The following RAB7A variants were observed in gnomAD, a reference collection of about 807,000 sequenced individuals.
RAB7A encodes the protein RAB7A, member RAS oncogene family.
RAB7A carries 2 observed loss-of-function variants against 24.5 expected under a neutral mutation model. The observed-to-expected ratio is 0.08, with a 90% CI of 0.03 to 0.26. The LOEUF (loss-of-function observed/expected upper bound fraction) is 0.26, where lower values mean the gene tolerates loss of function less well. RAB7A is among the 10% of genes least tolerant of loss of function. The pLI is 1.00. For synonymous variants in RAB7A, 100 were observed against 95.9 expected, an observed-to-expected ratio of 1.04 and a Z score of -0.25; for missense variants, 118 against 255.7, an observed-to-expected ratio of 0.46 and a Z score of 3.67.
At chr3:128,732,679 A>G (rs1397514078) in intron 1 of RAB7A, among the ~76,000 whole-genome samples, 1 of 151,996 alleles carries the variant, frequency 6.6e-6, no homozygotes, top group African/African-American at 2.4e-5. Context: ...GAAAAGAAAA[A>G]ATTAGGTGGG....
At chr3:128,745,879 C>T (rs1339731277) in intron 1 of RAB7A, among the ~76,000 whole-genome samples, 3 of 152,234 alleles carry the variant, frequency 2.0e-5, no homozygotes, top group Non-Finnish European at 4.4e-5. Context: ...CACATCCATC[C>T]TCTGCTGGTT....
chr3:128,784,457 A>T (rs1409710871), intron 1 of RAB7A, among the ~76,000 whole-genome samples: 1 of 152,034 alleles, frequency 6.6e-6, no homozygotes, highest in Non-Finnish European at 1.5e-5. Flanking sequence ...CAGCATCCTC[A>T]CTGTCCACCG....
chr3:128,802,787 G>A (rs1298939447), intron 3 of RAB7A, among the ~76,000 whole-genome samples: 2 of 149,752 alleles, frequency 1.3e-5, no homozygotes, highest in South Asian at 2.1e-4. Context: ...GATTACAGGC[G>A]TGAGCTACCA....
intron 1 of RAB7A, among the ~76,000 whole-genome samples, chr3:128,752,856 T>C (rs1357607957): frequency 6.6e-6 from 1 of 152,060 alleles, no homozygotes. Context: ...GTTCAAAATC[T>C]CTAACACCTT....
chr3:128,790,032 A>G (rs371560883), intron 1 of RAB7A, among the ~76,000 whole-genome samples: 2 of 152,142 alleles, frequency 1.3e-5, no homozygotes, highest in East Asian at 1.9e-4. Flanking sequence ...TGACCTCGTG[A>G]TCCACCTACC....
intron 1 of RAB7A, among the ~76,000 whole-genome samples, chr3:128,750,785 G>T (rs1357186275): frequency 2.6e-5 from 4 of 152,190 alleles, no homozygotes; most frequent in African/African-American, 9.7e-5. Flanking sequence ...ATGTCTCCAG[G>T]GCATGTCAGA....
At chr3:128,791,617 A>G (rs1933453915) in intron 1 of RAB7A, among the ~76,000 whole-genome samples, 1 of 152,136 alleles carries the variant, frequency 6.6e-6, no homozygotes, top group African/African-American at 2.4e-5. Context: ...CTTGTGGTAA[A>G]ATGTCCCCTG....
At chr3:128,793,152 T>A (rs1013201632) in intron 1 of RAB7A, among the ~76,000 whole-genome samples, 1 of 152,188 alleles carries the variant, frequency 6.6e-6, no homozygotes, top group Non-Finnish European at 1.5e-5. Context: ...GCCTCCTGAG[T>A]AGCTGGGACT....
At chr3:128,809,936 CTTTTTTTTTTTTTTTTTTTTTT>C (rs869119619) in intron 5 of RAB7A, among the ~76,000 whole-genome samples, 14 of 52,216 alleles carry the variant, frequency 2.7e-4, no homozygotes, top group Non-Finnish European at 3.7e-4. Context: ...TTGCCACAGT[CTTTTTTTTTTTTTTTTTTTTTT>C]TTTTTTTTGA....
chr3:128,772,893 T>C (rs1383060598), intron 1 of RAB7A, among the ~76,000 whole-genome samples: 3 of 152,256 alleles, frequency 2.0e-5, no homozygotes, highest in Non-Finnish European at 2.9e-5. Context: ...CACTCAGTGC[T>C]CAGTGTTGCC....
At chr3:128,781,727 A>G (rs1933226326) in intron 1 of RAB7A, among the ~76,000 whole-genome samples, 1 of 152,002 alleles carries the variant, frequency 6.6e-6, no homozygotes, top group Admixed American at 6.6e-5. Context: ...ATTGAAACCC[A>G]TGGTTGTGGC....
intron 1 of RAB7A, among the ~76,000 whole-genome samples, chr3:128,740,014 C>T (rs1029736978): frequency 1.3e-5 from 2 of 151,876 alleles, no homozygotes; most frequent in Admixed American, 6.6e-5. Context: ...TGCAGTGAGC[C>T]GAGATTGTGC....
At chr3:128,759,165 G>C (rs2070756665) in intron 1 of RAB7A, among the ~76,000 whole-genome samples, 4 of 152,234 alleles carry the variant, frequency 2.6e-5, no homozygotes, top group Admixed American at 2.6e-4. Context: ...CATTGAGATT[G>C]TTGAGTAGCT....
rs540873200 is a variant in RAB7A at position 128,727,956 on chromosome 3, C to CTTT, written c.-9+1607_-9+1609dup. Among the ~76,000 whole-genome samples the CTTT allele has an allele frequency of 5.5e-5, 8 of 145,466 alleles. No individual in the cohort carries two copies. The South Asian group carries it at 6.5e-4, about 12-fold the overall frequency. On this transcript the variant is annotated intron_variant, in intron 1 of 5. Transcript: ENST00000265062. ...ACAATCCTGTTGTATTCATATTTGTCTTTTTTTTTTTTAACTTTGCTACCT... is the reference window on the plus strand; with the variant it reads ...ACAATCCTGTTGTATTCATATTTGTCTTTTTTTTTTTTTTTAACTTTGCTACCT...
intron 1 of RAB7A, among the ~76,000 whole-genome samples, chr3:128,736,812 ATC>A: frequency 6.6e-6 from 1 of 152,144 alleles, no homozygotes; most frequent in African/African-American, 2.4e-5. Context: ...ATCAAGTGTG[ATC>A]CTACATGTGT....
At chr3:128,776,484 C>G (rs900826953) in intron 1 of RAB7A, among the ~76,000 whole-genome samples, 4 of 152,118 alleles carry the variant, frequency 2.6e-5, no homozygotes, top group African/African-American at 9.7e-5. Context: ...GGGGTTTCAC[C>G]ATGTTGCTTA....
At chr3:128,748,297 G>A (rs1375978537) in intron 1 of RAB7A, among the ~76,000 whole-genome samples, 1 of 152,290 alleles carries the variant, frequency 6.6e-6, no homozygotes, top group Non-Finnish European at 1.5e-5. Context: ...TTTTCAGGTC[G>A]AGTAAGGGAC....
At chr3:128,807,213 T>G (rs761116878) in intron 4 of RAB7A, among the ~76,000 whole-genome samples, 18 of 152,196 alleles carry the variant, frequency 1.2e-4, no homozygotes, top group Non-Finnish European at 2.4e-4. Flanking sequence ...CTGGGATCTC[T>G]GAGGTCCCAG....
chr3:128,733,089 T>G lies in RAB7A; in HGVS notation c.-9+6730T>G, dbSNP rs549319877. On this transcript the variant is annotated intron_variant, in intron 1 of 5. Transcript: ENST00000265062. ...ATTGTTGCCTGTATTTCCAAGTAAT[T>G]TATCATTTCTGTATTTTAGTAAACA... is the stretch of plus-strand genomic sequence containing the variant. Among the ~76,000 whole-genome samples the G allele has an allele frequency of 3.9e-5, 6 of 152,348 alleles. No individual in the cohort carries two copies. In the East Asian group the frequency reaches 1.2e-3, roughly 29 times the overall value.
Sources: allele counts gnomAD v4.1 joint callset (sites outside exome capture counted in the v4.1 genomes callset), GRCh38; gene constraint gnomAD v4.1.1; transcripts MANE v1.5; gene names NCBI Gene and HGNC (gene_info 2026-07-23, HGNC 2026-07-21).